Variants in LRATD1 observed in about 807,000 individuals in gnomAD.
LRATD1 encodes the protein protein LRATD1.
LRATD1 carries 8 observed loss-of-function variants against 21.3 expected under a neutral mutation model. The observed-to-expected ratio is 0.38, with a 90% confidence interval of 0.22 to 0.68. The LOEUF is 0.68. Ranked by LOEUF, LRATD1 falls within the 30% of genes least tolerant of loss-of-function variation. LRATD1 has a pLI of 0.54. For missense variants in LRATD1, 380 were observed against 404.0 expected (o/e 0.94, Z 0.51); for synonymous variants, 210 against 186.2 (o/e 1.13, Z -1.04).
rs1045312137 is a variant in LRATD1, at chr2:14,635,558, C to T, written c.*700C>T. 5 of 470,978 alleles carry T rather than the reference C, an allele frequency of 1.1e-5. No homozygotes were observed. The highest frequency in any genetic ancestry group is 2.2e-5 in the Non-Finnish European group (5 of 227,056). The allele number at this position is 470,978 out of a possible 1,614,324, so 29.2% of individuals were successfully genotyped here. On this transcript the variant is annotated 3_prime_UTR_variant, in exon 2 of 2. Transcript: ENST00000295092. The stretch of plus-strand genomic sequence containing the variant: ...TTTCCACCGTGGGAAGCGAACGCCA[C>T]CCCCACCCGCCTTTGCCTGCGAGTC...
In LRATD1 at chr2:14,633,349, T is replaced by C. The variant is rs1306306431; in HGVS notation, c.-37+412T>C. ...GTGTCGTCGCGAAGGTTTGTCATTG[T>C]GGGTGTATGTGACATACACCAGTAT... On this transcript the variant is annotated intron_variant, in intron 1 of 1. Transcript: ENST00000295092. The surrounding 1 kb of genome is among the most constrained non-coding windows in gnomAD (Gnocchi z 7.5). Among the ~76,000 whole-genome samples, 1 of 152,228 alleles carries C rather than the reference T, an allele frequency of 6.6e-6. No individual in the cohort carries two copies. The highest frequency in any genetic ancestry group is 1.5e-5 in the Non-Finnish European group (1 of 68,040).
chr2:14,647,633 C>T (rs1671917751), intron 4 of LRATD1, among the ~76,000 whole-genome samples: 1 of 152,008 alleles, frequency 6.6e-6, no homozygotes, highest in Non-Finnish European at 1.5e-5. Flanking sequence ...TAAGACCTTG[C>T]TTTTTCTCTC....
downstream of LRATD1, among the ~76,000 whole-genome samples, chr2:14,644,815 G>A (rs1203520285): frequency 6.6e-6 from 1 of 152,094 alleles, no homozygotes. Flanking sequence ...AGGAGCTAGG[G>A]GAGCTATAAA....
At chr2:14,645,192 A>G (rs1375396655) in intron 2 of LRATD1, among the ~76,000 whole-genome samples, 1 of 152,224 alleles carries the variant, frequency 6.6e-6, no homozygotes, top group Non-Finnish European at 1.5e-5. Flanking sequence ...CCTTTGGCAC[A>G]TAGCATTGGC....
chr2:14,634,435 G>T lies in LRATD1; in HGVS notation c.456G>T (p.Gln152His). The T allele has an allele frequency of 1.3e-6, 2 of 1,525,840 alleles. No individual in the cohort carries two copies. Among genetic ancestry groups the T allele is most frequent in the East Asian group, 2.3e-5 (1 of 43,748 alleles). The allele number at this position is 1,525,840 out of a possible 1,614,324, so 94.5% of individuals were successfully genotyped here. A position where few individuals can be genotyped will look rare whatever the true frequency, so the allele number is the denominator to read the frequency against. The part of the protein sequence containing the change: ...PHWAVYVGGG[Q>H]IIHLHQGEIR... ...GGGCCGTCTACGTGGGCGGCGGGCA[G>T]ATCATCCACCTGCACCAAGGCGAGA... is the stretch of plus-strand genomic sequence containing the variant. Residue 152 changes from glutamine (Q) to histidine (H), a missense_variant, in exon 2 of 2, where the codon CAG becomes CAT. Coordinates refer to ENST00000295092, the MANE Select transcript of LRATD1 (RefSeq NM_145175.4).
At chr2:14,646,975 T>C (rs1671906542) in intron 4 of LRATD1, among the ~76,000 whole-genome samples, 1 of 152,312 alleles carries the variant, frequency 6.6e-6, no homozygotes, top group Middle Eastern at 3.4e-3. Flanking sequence ...CAGAGAAAGA[T>C]GGTATATGGG....
chr2:14,635,795 T>G lies in LRATD1; in HGVS notation c.*937T>G. 1 of 377,568 alleles carries G rather than the reference T, an allele frequency of 2.6e-6. No homozygotes were observed. The highest frequency in any genetic ancestry group is 2.0e-5 in the South Asian group (1 of 49,032). 23.4% of individuals were successfully genotyped at this position (377,568 alleles called of 1,614,324 possible). On this transcript the variant is annotated 3_prime_UTR_variant, in exon 2 of 2. Coordinates refer to ENST00000295092, the MANE Select transcript of LRATD1 (RefSeq NM_145175.4). ...AAAAATAGTCATATTTTTAAAGGAGTTGGAGGAGAGGGAGGGGGAGGACAT... is the reference window on the plus strand; with the variant it reads ...AAAAATAGTCATATTTTTAAAGGAGGTGGAGGAGAGGGAGGGGGAGGACAT...
In LRATD1 at chr2:14,635,619, G is replaced by C. The variant is rs185670446; in HGVS notation, c.*761G>C. On this transcript the variant is annotated 3_prime_UTR_variant, in exon 2 of 2. Coordinates refer to ENST00000295092, the MANE Select transcript of LRATD1 (RefSeq NM_145175.4). Reference sequence around the variant, plus strand: ...GCAGAAGGGAAGCCGGCCCGGTCCCGGGAGGAAGATGGCGCTGCGAATTCG... The same window carrying C: ...GCAGAAGGGAAGCCGGCCCGGTCCCCGGAGGAAGATGGCGCTGCGAATTCG... 2 of 470,898 alleles carry C rather than the reference G, an allele frequency of 4.2e-6. No homozygotes were observed. Among genetic ancestry groups the C allele is most frequent in the African/African-American group, 4.0e-5 (2 of 50,158 alleles). The allele number at this position is 470,898 out of a possible 1,614,324, so 29.2% of individuals were successfully genotyped here.
downstream of LRATD1, among the ~76,000 whole-genome samples, chr2:14,642,313 T>C (rs571900871): frequency 2.0e-5 from 3 of 152,310 alleles, no homozygotes; most frequent in African/African-American, 4.8e-5. Context: ...CTGGGTATAA[T>C]GGTACAAACA....
chr2:14,642,451 T>G (rs1053738975), downstream of LRATD1, among the ~76,000 whole-genome samples: 1 of 152,140 alleles, frequency 6.6e-6, no homozygotes, highest in Non-Finnish European at 1.5e-5. Context: ...ACCTGAGGTT[T>G]GATTTGCAAG....
At chr2:14,645,359 G>A (rs1280870984) in intron 2 of LRATD1, among the ~76,000 whole-genome samples, 1 of 152,098 alleles carries the variant, frequency 6.6e-6, no homozygotes, top group Non-Finnish European at 1.5e-5. Context: ...AAATATCCAG[G>A]TATATAACCA....
chr2:14,646,777 T>A (rs977258268), intron 4 of LRATD1, among the ~76,000 whole-genome samples: 2 of 152,184 alleles, frequency 1.3e-5, no homozygotes, highest in African/African-American at 4.8e-5. Flanking sequence ...CATGTAAAGA[T>A]CCCTATTTAA....
In LRATD1 at chr2:14,638,733, T is replaced by G. The variant is rs1671745678; in HGVS notation, c.*3875T>G. On this transcript the variant is annotated 3_prime_UTR_variant, in exon 2 of 2. Transcript: ENST00000295092. ...CATAATATAGCAACCTAATTTTCTT[T>G]TATTTATAGGCATATCTTTAAAGCT... is the stretch of plus-strand genomic sequence containing the variant. 1 of 167,020 alleles carries G rather than the reference T, an allele frequency of 6.0e-6. No homozygotes were observed. Among genetic ancestry groups the G allele is most frequent in the Non-Finnish European group, 1.5e-5 (1 of 68,078 alleles). The allele number at this position is 167,020 out of a possible 1,614,324, so 10.3% of individuals were successfully genotyped here. A position where few individuals can be genotyped will look rare whatever the true frequency, so the allele number is the denominator to read the frequency against.
chr2:14,640,169 CAAG>C (rs1265169172), downstream of LRATD1: 3 of 164,784 alleles, frequency 1.8e-5, no homozygotes, highest in Non-Finnish European at 4.4e-5. Context: ...CATGAAATCA[CAAG>C]ATTATTCCTT....
At chr2:14,649,044 C>T (rs1359175606) in intron 4 of LRATD1, among the ~76,000 whole-genome samples, 2 of 152,074 alleles carry the variant, frequency 1.3e-5, no homozygotes, top group Non-Finnish European at 2.9e-5. Context: ...GCTTGAAAAG[C>T]CTATACCCTT....
rs1671679778 is a variant in LRATD1 at position 14,635,968 on chromosome 2, C to T, written c.*1110C>T. 1 of 266,736 alleles carries T rather than the reference C, an allele frequency of 3.7e-6. No homozygotes were observed. The highest frequency in any genetic ancestry group is 7.9e-6 in the Non-Finnish European group (1 of 125,936). The allele number at this position is 266,736 out of a possible 1,614,324, so 16.5% of individuals were successfully genotyped here. A position where few individuals can be genotyped will look rare whatever the true frequency, so the allele number is the denominator to read the frequency against. On this transcript the variant is annotated 3_prime_UTR_variant, in exon 2 of 2. Transcript: ENST00000295092. The stretch of plus-strand genomic sequence containing the variant: ...AGTTTTCCAACTATGTCAACAAAGC[C>T]TATCGTGTTGATGTTTTTATTGACC...
At chr2:14,643,256 A>G (rs906433933), downstream of LRATD1, among the ~76,000 whole-genome samples, 2 of 152,202 alleles carry the variant, frequency 1.3e-5, no homozygotes, top group African/African-American at 4.8e-5. Context: ...GGATCTATGA[A>G]AGAAAATGAG....
Position 14,639,378 on chromosome 2 carries a change from C to G in LRATD1, c.*4520C>G, listed in dbSNP as rs944294917. ...TAGGAAGTAACTGAAAAATAAGAAG[C>G]AAGATAAAGTGGGGAGGCTATGAGA... is the stretch of plus-strand genomic sequence containing the variant. On this transcript the variant is annotated 3_prime_UTR_variant, in exon 2 of 2. Transcript: ENST00000295092. 6.0e-6 allele frequency: 1 copy of G among 166,784 alleles called. No homozygotes were observed. Among genetic ancestry groups the G allele is most frequent in the East Asian group, 1.9e-4 (1 of 5,182 alleles). 10.3% of individuals were successfully genotyped at this position (166,784 alleles called of 1,614,324 possible). A position where few individuals can be genotyped will look rare whatever the true frequency, so the allele number is the denominator to read the frequency against.
downstream of LRATD1, among the ~76,000 whole-genome samples, chr2:14,651,737 A>AT (rs973868698): frequency 6.6e-6 from 1 of 151,654 alleles, no homozygotes; most frequent in Non-Finnish European, 1.5e-5. Flanking sequence ...TAGGGTTTTC[A>AT]TTTTTTCTCA....
Sources: gnomAD v4.1 joint callset for allele counts (sites outside exome capture counted in the v4.1 genomes callset) on GRCh38, gnomAD v4.1.1 for gene constraint, Gnocchi (gnomAD v3.1) non-coding constraint, MANE v1.5 for transcripts, NCBI Gene and HGNC (gene_info 2026-07-23, HGNC 2026-07-21) for gene names.